The following ADAM29 variants were observed in gnomAD, a reference collection of about 807,000 sequenced individuals.
ADAM29 encodes ADAM metallopeptidase domain 29, also known as disintegrin and metalloproteinase domain-containing protein 29.
For synonymous variants in ADAM29, 367 were observed against 342.3 expected, an observed-to-expected ratio of 1.07 and a Z score of -0.80; for missense variants, 969 against 1,001.8, an observed-to-expected ratio of 0.97 and a Z score of 0.44.
At chr4:174,949,452 G>A (rs565669192) in intron 4 of ADAM29, among the ~76,000 whole-genome samples, 24 of 152,258 alleles carry the variant, frequency 1.6e-4, no homozygotes, top group African/African-American at 5.8e-4. Flanking sequence ...CTTCTGCTAG[G>A]ATTCCAGAGG....
At chr4:174,956,001 A>T (rs1234125814) in intron 4 of ADAM29, among the ~76,000 whole-genome samples, 2 of 152,024 alleles carry the variant, frequency 1.3e-5, no homozygotes, top group African/African-American at 4.8e-5. Context: ...GTTCTTTCCT[A>T]TTGTGCTCAG....
Position 174,978,087 on chromosome 4 carries a change from A to T in ADAM29, c.*99A>T. 1 of 1,542,382 alleles carries T rather than the reference A, an allele frequency of 6.5e-7. No individual in the cohort carries two copies. Among genetic ancestry groups the T allele is most frequent in the Non-Finnish European group, 8.8e-7 (1 of 1,136,882 alleles). On this transcript the variant is annotated 3_prime_UTR_variant, in exon 5 of 5. Coordinates refer to ENST00000359240, the MANE Select transcript of ADAM29 (RefSeq NM_014269.4). Reference sequence around the variant, plus strand: ...CCTCCCAGAGTCAACCTCATGTGACACCTTACCGGAGTAAAAGTGGTAAAC... The same window carrying T: ...CCTCCCAGAGTCAACCTCATGTGACTCCTTACCGGAGTAAAAGTGGTAAAC...
At chr4:174,960,696 T>C (rs767626250) in intron 4 of ADAM29, among the ~76,000 whole-genome samples, 12 of 152,192 alleles carry the variant, frequency 7.9e-5, no homozygotes, top group Non-Finnish European at 1.8e-4. Flanking sequence ...ATCTTTCTCG[T>C]GCATTTTGAA....
At chr4:174,918,826 G>C (rs962435122) in intron 1 of ADAM29, 2 of 152,000 alleles carry the variant, frequency 1.3e-5, no homozygotes, top group African/African-American at 4.8e-5. Context: ...ATTGAATAAT[G>C]ATCTCCCACT....
In ADAM29 at chr4:174,978,122, CAG is replaced by C; in HGVS notation, c.*135_*136del. 7.1e-7 allele frequency: 1 copy of C among 1,410,562 alleles called. No homozygotes were observed. The highest frequency in any genetic ancestry group is 1.4e-5 in the South Asian group (1 of 73,838). 87.4% of individuals were successfully genotyped at this position (1,410,562 alleles called of 1,614,324 possible). On this transcript the variant is annotated 3_prime_UTR_variant, in exon 5 of 5. Coordinates refer to ENST00000359240, the MANE Select transcript of ADAM29 (RefSeq NM_014269.4). ...AGTAAAAGTGGTAAACAAAAGCAATCAGTACCAATTCCAAAAACTGTATCCAG... is the reference window on the plus strand; with the variant it reads ...AGTAAAAGTGGTAAACAAAAGCAATCTACCAATTCCAAAAACTGTATCCAG...
At chr4:174,972,483 T>A (rs1190499346) in intron 4 of ADAM29, among the ~76,000 whole-genome samples, 1 of 152,168 alleles carries the variant, frequency 6.6e-6, no homozygotes, top group Non-Finnish European at 1.5e-5. Context: ...TCTATTAATC[T>A]TTTATCCCAG....
Position 174,975,781 on chromosome 4 carries a change from C to A in ADAM29, c.256C>A (p.Gln86Lys), listed in dbSNP as rs1746739592. 1.9e-6 allele frequency: 3 copies of A among 1,614,086 alleles called. No homozygotes were observed. The highest frequency in any genetic ancestry group is 2.5e-6 in the Non-Finnish European group (3 of 1,180,004). The change falls in exon 5 of 5, where the codon CAG (glutamine) becomes AAG (lysine). Residue 86 changes from glutamine to lysine, a missense_variant. Transcript: ENST00000359240. ...KHLPVFTYTDQGAILEDQPFV... is the reference protein window; with the variant it reads ...KHLPVFTYTDKGAILEDQPFV... ...CCTCCCTGTGTTCACCTACACAGAC[C>A]AGGGTGCTATCCTTGAGGACCAGCC... is the stretch of plus-strand genomic sequence containing the variant.
intron 4 of ADAM29, among the ~76,000 whole-genome samples, chr4:174,974,932 T>C (rs1746671796): frequency 4.6e-5 from 7 of 152,200 alleles, no homozygotes; most frequent in Admixed American, 4.6e-4. Context: ...TCATCTGAAA[T>C]GGAATAGAAA....
rs755175800 is a variant in ADAM29, at chr4:174,976,747, G to A, written c.1222G>A (p.Gly408Arg). The change falls in exon 5 of 5, where the codon GGA becomes AGA. Residue 408 changes from glycine to arginine, a missense_variant. Gly to Arg is a moderately radical substitution (Grantham distance 125). Coordinates refer to ENST00000359240, the MANE Select transcript of ADAM29 (RefSeq NM_014269.4). ...KRCGNGVVEE[G>R]EECDCGPLKH... ...CTGTGGGAATGGTGTTGTTGAAGAA[G>A]GAGAAGAGTGTGACTGTGGACCTTT... 5 of 1,613,950 alleles carry A rather than the reference G, an allele frequency of 3.1e-6. No individual in the cohort carries two copies. The highest frequency in any genetic ancestry group is 1.7e-4 in the Middle Eastern group (1 of 6,060).
At chr4:174,940,752 A>G (rs1221255556) in intron 4 of ADAM29, among the ~76,000 whole-genome samples, 1 of 152,140 alleles carries the variant, frequency 6.6e-6, no homozygotes, top group African/African-American at 2.4e-5. Context: ...ATTTGACTTT[A>G]TATGTGACAT....
intron 1 of ADAM29, 132 bp downstream of exon 1, chr4:174,918,603 C>A (rs1452473274): frequency 6.6e-6 from 1 of 152,112 alleles, no homozygotes; most frequent in African/African-American, 2.4e-5. Context: ...CAGTTTCAGA[C>A]TAAACCCTCC....
At position 174,977,444 on chromosome 4, in the gene ADAM29, A is replaced by T. The variant is rs752647968; in HGVS notation, c.1919A>T (p.His640Leu). The change falls in exon 5 of 5, where the codon CAT (histidine) becomes CTT (leucine). Residue 640 changes from histidine (H) to leucine (L), a missense_variant. His to Leu is a moderately conservative substitution (Grantham distance 99). Coordinates refer to ENST00000359240, the MANE Select transcript of ADAM29 (RefSeq NM_014269.4). ...CNKRGICNNKHHCHCNYLWDP... is the reference protein window; with the variant it reads ...CNKRGICNNKLHCHCNYLWDP... ...AAGAGGGGCATCTGCAACAATAAACATCACTGCCATTGCAATTATCTGTGG... is the reference window on the plus strand; with the variant it reads ...AAGAGGGGCATCTGCAACAATAAACTTCACTGCCATTGCAATTATCTGTGG... The T allele has an allele frequency of 6.2e-6, 10 of 1,613,918 alleles. No individual in the cohort carries two copies. The highest frequency in any genetic ancestry group is 8.5e-6 in the Non-Finnish European group (10 of 1,179,918).
chr4:174,962,482 A>T (rs562663532), intron 4 of ADAM29, among the ~76,000 whole-genome samples: 2 of 150,800 alleles, frequency 1.3e-5, no homozygotes, highest in South Asian at 2.1e-4. Flanking sequence ...ACTGCACTCC[A>T]GCCTGGGCGA....
At chr4:174,953,271 G>A (rs1339597858) in intron 4 of ADAM29, among the ~76,000 whole-genome samples, 1 of 152,034 alleles carries the variant, frequency 6.6e-6, no homozygotes, top group Non-Finnish European at 1.5e-5. Context: ...GGGCAACAGA[G>A]CAAGACTCTG....
chr4:174,925,925 G>A (rs1045687596), intron 2 of ADAM29, among the ~76,000 whole-genome samples: 1 of 152,020 alleles, frequency 6.6e-6, no homozygotes, highest in Non-Finnish European at 1.5e-5. Context: ...TTCTGATATG[G>A]GATCACACAA....
At chr4:174,950,798 A>G (rs1745123542) in intron 4 of ADAM29, among the ~76,000 whole-genome samples, 2 of 152,188 alleles carry the variant, frequency 1.3e-5, no homozygotes, top group Non-Finnish European at 2.9e-5. Context: ...TAATTACATC[A>G]TGGGGGCAGA....
intron 4 of ADAM29, among the ~76,000 whole-genome samples, chr4:174,967,044 T>C (rs971244695): frequency 1.5e-4 from 23 of 152,166 alleles, no homozygotes; most frequent in Admixed American, 1.2e-3. Flanking sequence ...TAGCTTTCAT[T>C]TGTATGAGTT....
chr4:174,957,246 G>C (rs924009936), intron 4 of ADAM29, among the ~76,000 whole-genome samples: 4 of 151,694 alleles, frequency 2.6e-5, no homozygotes, highest in African/African-American at 9.7e-5. Flanking sequence ...CAAAATATAG[G>C]TTAATCAACA....
At position 174,976,078 on chromosome 4, in the gene ADAM29, C is replaced by A; in HGVS notation, c.553C>A (p.Gln185Lys). The change falls in exon 5 of 5, where the codon CAG becomes AAG. Residue 185 changes from glutamine (Q) to lysine (K), a missense_variant. Transcript: ENST00000359240. Reference sequence around the variant, plus strand: ...ATTTGAAGAAATTGATAATTCCACTCAGAAGCAAAGTTCTTATGTGGGCTG... The same window carrying A: ...ATTTGAAGAAATTGATAATTCCACTAAGAAGCAAAGTTCTTATGTGGGCTG... ...MEFEEIDNST[Q>K]KQSSYVGWWI... 1 of 1,610,648 alleles carries A rather than the reference C, an allele frequency of 6.2e-7. No homozygotes were observed. The highest frequency in any genetic ancestry group is 8.5e-7 in the Non-Finnish European group (1 of 1,179,290).
Sources: allele counts gnomAD v4.1 joint callset (sites outside exome capture counted in the v4.1 genomes callset), GRCh38; gene constraint gnomAD v4.1.1; transcripts MANE v1.5; gene names NCBI Gene and HGNC (gene_info 2026-07-23, HGNC 2026-07-21).